Variants in GAS7 observed in about 807,000 individuals in gnomAD.
GAS7 encodes the protein growth arrest specific 7.
Under a neutral mutation model 71.1 loss-of-function variants are expected in GAS7, and 28 were observed. The ratio of observed to expected loss-of-function variants is 0.39; its 90% CI spans 0.29 to 0.54. GAS7 has a LOEUF of 0.54. Ranked by LOEUF, GAS7 falls within the 20% of genes least tolerant of loss-of-function variation. The probability of loss-of-function intolerance (pLI) is 0.62; values close to 1 mark genes in which losing one functional copy is unlikely to be tolerated. For missense variants in GAS7, 436 were observed against 627.8 expected (o/e 0.69, Z 3.27); for synonymous variants, 258 against 245.8 (o/e 1.05, Z -0.46).
At chr17:9,944,463 C>G (rs964625805) in intron 6 of GAS7, among the ~76,000 whole-genome samples, 2 of 152,174 alleles carry the variant, frequency 1.3e-5, no homozygotes, top group African/African-American at 4.8e-5. Flanking sequence ...CCGGACCACC[C>G]CCTTGAAATA....
At chr17:10,037,786 A>C (rs942632602) in intron 1 of GAS7, among the ~76,000 whole-genome samples, 47 of 152,168 alleles carry the variant, frequency 3.1e-4, no homozygotes, top group African/African-American at 1.1e-3. Flanking sequence ...GACGAAGTAA[A>C]TGCTCAATGA....
intron 2 of GAS7, among the ~76,000 whole-genome samples, chr17:10,013,029 G>A (rs1456569131): frequency 6.6e-6 from 1 of 151,534 alleles, no homozygotes; most frequent in East Asian, 1.9e-4. Flanking sequence ...CTTGAATCCA[G>A]GAGATGGAGG....
At chr17:9,918,224 C>T in intron 12 of GAS7, 125 bp from the exon 13 acceptor site, 1 of 657,982 alleles carries the variant, frequency 1.5e-6, no homozygotes. Flanking sequence ...TCTCTGGGGT[C>T]TGATGAAGAG....
chr17:9,993,501 A>T (rs1355800552), intron 2 of GAS7, among the ~76,000 whole-genome samples: 1 of 152,160 alleles, frequency 6.6e-6, no homozygotes. Flanking sequence ...AGAAACCCTC[A>T]ATAAATTAGG....
intron 1 of GAS7, among the ~76,000 whole-genome samples, chr17:10,082,300 G>A (rs938895422): frequency 6.6e-6 from 1 of 152,146 alleles, no homozygotes; most frequent in Non-Finnish European, 1.5e-5. Context: ...AAAGGAATTG[G>A]AAGAACACAC....
At chr17:10,178,904 A>G (rs2142139952) in intron 1 of GAS7, among the ~76,000 whole-genome samples, 1 of 151,872 alleles carries the variant, frequency 6.6e-6, no homozygotes, top group Admixed American at 6.6e-5. Context: ...AGAGCCCTAC[A>G]ACCACCACCT....
At position 9,969,621 on chromosome 17, in the gene GAS7, T is replaced by C. The variant is rs2069870704; in HGVS notation, c.471+56A>G. On this transcript the variant is annotated intron_variant, in intron 4 of 13. Transcript: ENST00000432992. This position sits in a 1 kb window ranked among gnomAD's most constrained non-coding sequence, Gnocchi z 5.5. ...TCCCATGATGGACTTTGTAATGCAGTTTCCTAGGCCTGCAGAAGCAGTGAC... is the reference window on the plus strand; with the variant it reads ...TCCCATGATGGACTTTGTAATGCAGCTTCCTAGGCCTGCAGAAGCAGTGAC... 1.9e-6 allele frequency: 2 copies of C among 1,066,992 alleles called. No individual in the cohort carries two copies. The highest frequency in any genetic ancestry group is 2.9e-6 in the Non-Finnish European group (2 of 684,528). The allele number at this position is 1,066,992 out of a possible 1,614,324, so 66.1% of individuals were successfully genotyped here. A position where few individuals can be genotyped will look rare whatever the true frequency, so the allele number is the denominator to read the frequency against.
At chr17:10,148,668 C>T (rs1393668210) in intron 1 of GAS7, among the ~76,000 whole-genome samples, 2 of 149,928 alleles carry the variant, frequency 1.3e-5, no homozygotes, top group Non-Finnish European at 3.0e-5. Flanking sequence ...TCCCAGCACT[C>T]TGGGAGGCTG....
chr17:10,062,320 A>C (rs565684698), intron 1 of GAS7, among the ~76,000 whole-genome samples: 1 of 152,300 alleles, frequency 6.6e-6, no homozygotes, highest in South Asian at 2.1e-4. Flanking sequence ...CCTCGTCTCT[A>C]CTAAAAATAC....
At chr17:10,193,691 A>C (rs2074518753) in intron 1 of GAS7, among the ~76,000 whole-genome samples, 1 of 152,224 alleles carries the variant, frequency 6.6e-6, no homozygotes, top group Non-Finnish European at 1.5e-5. Flanking sequence ...TACATGGAGA[A>C]AGGCGCCACA....
At chr17:9,996,442 G>T (rs2071046299) in intron 2 of GAS7, among the ~76,000 whole-genome samples, 1 of 137,020 alleles carries the variant, frequency 7.3e-6, no homozygotes, top group Non-Finnish European at 1.6e-5. Flanking sequence ...GAGGGGGCAG[G>T]GATACCATTA....
chr17:9,965,719 T>A (rs955191902), intron 4 of GAS7, among the ~76,000 whole-genome samples: 4 of 152,222 alleles, frequency 2.6e-5, no homozygotes, highest in African/African-American at 9.6e-5. Context: ...ATCCCTCGCC[T>A]CTGCCCCCGA....
At chr17:10,112,339 G>C (rs2073821359) in intron 1 of GAS7, among the ~76,000 whole-genome samples, 1 of 152,214 alleles carries the variant, frequency 6.6e-6, no homozygotes, top group South Asian at 2.1e-4. Context: ...AGAAGACACA[G>C]AACACTGGAA....
intron 2 of GAS7, among the ~76,000 whole-genome samples, chr17:9,985,806 C>G (rs943078455): frequency 6.6e-6 from 1 of 152,186 alleles, no homozygotes; most frequent in African/African-American, 2.4e-5. Context: ...TCTGAAGGCC[C>G]CTCCCAGCTC....
At chr17:10,156,491 C>T (rs2074206259) in intron 1 of GAS7, among the ~76,000 whole-genome samples, 1 of 152,204 alleles carries the variant, frequency 6.6e-6, no homozygotes, top group African/African-American at 2.4e-5. Flanking sequence ...TGGGACAAAG[C>T]TCTAGAAACA....
chr17:9,946,808 T>C (rs2068803794), intron 6 of GAS7, 86 bp downstream of exon 6: 1 of 767,316 alleles, frequency 1.3e-6, no homozygotes, highest in Non-Finnish European at 2.2e-6. Flanking sequence ...CCCTCCACTT[T>C]GAGATCCAGG....
At chr17:10,062,663 T>G (rs1194170215) in intron 1 of GAS7, among the ~76,000 whole-genome samples, 2 of 152,220 alleles carry the variant, frequency 1.3e-5, no homozygotes, top group African/African-American at 4.8e-5. Flanking sequence ...AATATCCTGA[T>G]GTGAATAACT....
At chr17:10,108,879 C>T (rs2073784288) in intron 1 of GAS7, among the ~76,000 whole-genome samples, 1 of 152,112 alleles carries the variant, frequency 6.6e-6, no homozygotes, top group East Asian at 1.9e-4. Flanking sequence ...TATAAAACTA[C>T]TAGAAAGAAC....
At chr17:10,036,688 G>A (rs780138867) in intron 1 of GAS7, 12 of 1,296,572 alleles carry the variant, frequency 9.3e-6, no homozygotes, top group East Asian at 6.0e-5. Context: ...TTCCAAATCC[G>A]CTCCAGTGCT....
Sources: allele counts gnomAD v4.1 joint callset (sites outside exome capture counted in the v4.1 genomes callset), GRCh38; gene constraint gnomAD v4.1.1; non-coding constraint Gnocchi (gnomAD v3.1); transcripts MANE v1.5; gene names NCBI Gene and HGNC (gene_info 2026-07-23, HGNC 2026-07-21).